The following TMEM97 variants were observed in gnomAD, a reference collection of about 807,000 sequenced individuals.
TMEM97 encodes sigma intracellular receptor 2.
In TMEM97, 13 loss-of-function variants were observed where a neutral mutation model predicts 18.3. The ratio of observed to expected loss-of-function variants is 0.71; its 90% CI spans 0.46 to 1.13. TMEM97 has a LOEUF of 1.13. TMEM97 is among the 50% of genes most tolerant of loss of function. The pLI, the probability that TMEM97 is intolerant of heterozygous loss-of-function variation, is 0.00. For synonymous variants in TMEM97, 76 were observed against 85.3 expected, an observed-to-expected ratio of 0.89 and a Z score of 0.60; for missense variants, 205 against 210.5, an observed-to-expected ratio of 0.97 and a Z score of 0.16.
chr17:28,325,429 A>G, intron 1 of TMEM97, 74 bp from the exon 2 acceptor site: 1 of 1,561,608 alleles, frequency 6.4e-7, no homozygotes, highest in Non-Finnish European at 8.7e-7. Flanking sequence ...CCTCCAGTGT[A>G]TTTTCAAATG....
In TMEM97 at chr17:28,326,614, T is replaced by A. The variant is rs1906351477; in HGVS notation, c.352T>A (p.Phe118Ile). The change falls in exon 3 of 3, where the codon TTT (phenylalanine) becomes ATT (isoleucine). Residue 118 changes from phenylalanine to isoleucine, a missense_variant. Coordinates refer to ENST00000226230, the MANE Select transcript of TMEM97 (RefSeq NM_014573.3). Reference sequence around the variant, plus strand: ...AACCTTAATTCCGATACTCTCCACATTTCTGTTTGAGGATTTCTCCAAAGC... The same window carrying A: ...AACCTTAATTCCGATACTCTCCACAATTCTGTTTGAGGATTTCTCCAAAGC... ...MTTLIPILST[F>I]LFEDFSKASG... The A allele has an allele frequency of 6.2e-7, 1 of 1,614,078 alleles. No individual in the cohort carries two copies. The highest frequency in any genetic ancestry group is 8.5e-7 in the Non-Finnish European group (1 of 1,180,032).
At position 28,327,461 on chromosome 17, in the gene TMEM97, T is replaced by C. The variant is rs1906407036; in HGVS notation, c.*668T>C. 1 of 152,454 alleles carries C rather than the reference T, an allele frequency of 6.6e-6. No individual in the cohort carries two copies. Among genetic ancestry groups the C allele is most frequent in the Non-Finnish European group, 1.5e-5 (1 of 68,302 alleles). The allele number at this position is 152,454 out of a possible 1,614,324, so 9.4% of individuals were successfully genotyped here. A position where few individuals can be genotyped will look rare whatever the true frequency, so the allele number is the denominator to read the frequency against. On this transcript the variant is annotated 3_prime_UTR_variant, in exon 3 of 3. Transcript: ENST00000226230. Reference sequence around the variant, plus strand: ...ATGGCCTGTTTGACATGTTCATGAGTCACCTGACCCACAGCATATATGCTT... The same window carrying C: ...ATGGCCTGTTTGACATGTTCATGAGCCACCTGACCCACAGCATATATGCTT...
intron 1 of TMEM97, among the ~76,000 whole-genome samples, chr17:28,324,539 C>T (rs577754561): frequency 5.9e-4 from 90 of 152,286 alleles, no homozygotes; most frequent in South Asian, 2.1e-3. Flanking sequence ...TCTTTGAAGG[C>T]CTGTGTGTCA....
In TMEM97 at chr17:28,326,638, G is replaced by C; in HGVS notation, c.376G>C (p.Ala126Pro). ...STFLFEDFSKASGFKGQRPET... is the reference protein window; with the variant it reads ...STFLFEDFSKPSGFKGQRPET... ...ATTTCTGTTTGAGGATTTCTCCAAA[G>C]CCAGTGGTTTCAAGGGACAAAGACC... Residue 126 changes from alanine (A) to proline (P), a missense_variant, in exon 3 of 3, where the codon GCC becomes CCC. Physicochemically the swap from Ala to Pro is conservative, Grantham distance 27 (BLOSUM62 -1). Coordinates refer to ENST00000226230, the MANE Select transcript of TMEM97 (RefSeq NM_014573.3). The C allele has an allele frequency of 6.2e-7, 1 of 1,614,176 alleles. No homozygotes were observed.
Position 28,325,584 on chromosome 17 carries a change from C to G in TMEM97, c.208C>G (p.Leu70Val). 1 of 1,614,216 alleles carries G rather than the reference C, an allele frequency of 6.2e-7. No homozygotes were observed. The change falls in exon 2 of 3, where the codon CTG becomes GTG. Residue 70 changes from leucine to valine, a missense_variant. Coordinates refer to ENST00000226230, the MANE Select transcript of TMEM97 (RefSeq NM_014573.3). ...QEPPAWFKSFLFCELVFQLPF... is the reference protein window; with the variant it reads ...QEPPAWFKSFVFCELVFQLPF... ...GCCCCCAGCCTGGTTTAAGTCCTTT[C>G]TGTTTTGCGAGCTTGTGTTTCAGCT... is the stretch of plus-strand genomic sequence containing the variant.
chr17:28,328,665 A>G lies in TMEM97; in HGVS notation c.*1872A>G, dbSNP rs1555575930. 6.2e-7 allele frequency: 1 copy of G among 1,602,902 alleles called. No individual in the cohort carries two copies. The highest frequency in any genetic ancestry group is 1.7e-5 in the Admixed American group (1 of 57,710). The stretch of plus-strand genomic sequence containing the variant: ...GAAATTTTCAGTTCATTTCTGAAAA[A>G]TAAATTGGTCAATAAATTCATTTTG... On this transcript the variant is annotated 3_prime_UTR_variant, in exon 3 of 3. Transcript: ENST00000226230.
Position 28,325,492 on chromosome 17 carries a change from T to C in TMEM97, c.127-11T>C. ...GTGGCTGTAATTCATCATGATCGTT[T>C]TCTTTTTCAGTTTAGAAACCTGCTG... On this transcript the variant is annotated splice_polypyrimidine_tract_variant and intron_variant, in intron 1 of 2. Coordinates refer to ENST00000226230, the MANE Select transcript of TMEM97 (RefSeq NM_014573.3). 6.2e-7 allele frequency: 1 copy of C among 1,612,054 alleles called. No homozygotes were observed. The highest frequency in any genetic ancestry group is 8.5e-7 in the Non-Finnish European group (1 of 1,179,422).
Position 28,326,672 on chromosome 17 carries a change from T to C in TMEM97, c.410T>C (p.Leu137Ser), listed in dbSNP as rs782655263. 3.1e-6 allele frequency: 5 copies of C among 1,614,190 alleles called. No individual in the cohort carries two copies. The East Asian group carries it at 1.1e-4, about 36-fold the overall frequency. Residue 137 changes from leucine (L) to serine (S), a missense_variant, in exon 3 of 3, where the codon TTG (leucine) becomes TCG (serine). Leu to Ser is a moderately radical substitution (Grantham distance 145, BLOSUM62 -2). Transcript: ENST00000226230. Reference sequence around the variant, plus strand: ...TTCAAGGGACAAAGACCTGAGACTTTGCATGAACGGTTAACCCTTGTGTCT... The same window carrying C: ...TTCAAGGGACAAAGACCTGAGACTTCGCATGAACGGTTAACCCTTGTGTCT... ...SGFKGQRPET[L>S]HERLTLVSVY...
In TMEM97 at chr17:28,328,651, T is replaced by C; in HGVS notation, c.*1858T>C. 1 of 1,593,358 alleles carries C rather than the reference T, an allele frequency of 6.3e-7. No homozygotes were observed. Among genetic ancestry groups the C allele is most frequent in the East Asian group, 2.2e-5 (1 of 44,808 alleles). Reference sequence around the variant, plus strand: ...CCTACTATAAAAGCGAAATTTTCAGTTCATTTCTGAAAAATAAATTGGTCA... The same window carrying C: ...CCTACTATAAAAGCGAAATTTTCAGCTCATTTCTGAAAAATAAATTGGTCA... On this transcript the variant is annotated 3_prime_UTR_variant, in exon 3 of 3. Coordinates refer to ENST00000226230, the MANE Select transcript of TMEM97 (RefSeq NM_014573.3).
chr17:28,323,518 C>T (rs1360929447), intron 1 of TMEM97, among the ~76,000 whole-genome samples: 3 of 151,720 alleles, frequency 2.0e-5, no homozygotes, highest in Non-Finnish European at 4.4e-5. Flanking sequence ...GCAACCTCAG[C>T]CTCCAGAGTT....
At chr17:28,320,393 A>G (rs781821529) in intron 1 of TMEM97, among the ~76,000 whole-genome samples, 52 of 152,206 alleles carry the variant, frequency 3.4e-4, no homozygotes, top group Non-Finnish European at 6.5e-4. Flanking sequence ...TACCACTCCC[A>G]TAAGTCACTC....
chr17:28,320,066 C>T (rs1195426133), intron 1 of TMEM97, among the ~76,000 whole-genome samples: 1 of 152,012 alleles, frequency 6.6e-6, no homozygotes, highest in Non-Finnish European at 1.5e-5. Context: ...GTTTTAGTTT[C>T]CCGGTTCGTT....
intron 1 of TMEM97, among the ~76,000 whole-genome samples, chr17:28,323,867 G>A (rs532414228): frequency 7.0e-4 from 106 of 152,226 alleles, no homozygotes; most frequent in Non-Finnish European, 1.3e-3. Flanking sequence ...GCTTGGTGGC[G>A]CATACCTGTA....
intron 1 of TMEM97, among the ~76,000 whole-genome samples, chr17:28,322,101 G>GA (rs1906170422): frequency 6.6e-6 from 1 of 152,096 alleles, no homozygotes; most frequent in Non-Finnish European, 1.5e-5. Flanking sequence ...GAAATAGAAG[G>GA]AATGTTTCCC....
intron 1 of TMEM97, among the ~76,000 whole-genome samples, chr17:28,321,621 T>C (rs1024377364): frequency 1.3e-5 from 2 of 152,148 alleles, no homozygotes; most frequent in Admixed American, 6.5e-5. Flanking sequence ...TTTGTAGAGA[T>C]GATGTCTTAC....
chr17:28,328,651 T>A lies in TMEM97; in HGVS notation c.*1858T>A, dbSNP rs1555575928. On this transcript the variant is annotated 3_prime_UTR_variant, in exon 3 of 3. Coordinates refer to ENST00000226230, the MANE Select transcript of TMEM97 (RefSeq NM_014573.3). ...CCTACTATAAAAGCGAAATTTTCAGTTCATTTCTGAAAAATAAATTGGTCA... is the reference window on the plus strand; with the variant it reads ...CCTACTATAAAAGCGAAATTTTCAGATCATTTCTGAAAAATAAATTGGTCA... 1.3e-6 allele frequency: 2 copies of A among 1,593,358 alleles called. No homozygotes were observed.
chr17:28,325,426 T>G (rs1597780197), intron 1 of TMEM97, 77 bp from the exon 2 acceptor site: 2 of 1,554,314 alleles, frequency 1.3e-6, no homozygotes, highest in Non-Finnish European at 1.7e-6. Flanking sequence ...GCTCCTCCAG[T>G]GTATTTTCAA....
At position 28,319,208 on chromosome 17, in the gene TMEM97, A is replaced by T; in HGVS notation, c.-32A>T. ...GCGCGCGGATTTGGCCCCTCTTCTCACATCAGCGGGTCCAGGCCCAACCGA... is the reference window on the plus strand; with the variant it reads ...GCGCGCGGATTTGGCCCCTCTTCTCTCATCAGCGGGTCCAGGCCCAACCGA... On this transcript the variant is annotated 5_prime_UTR_variant, in exon 1 of 3. Transcript: ENST00000226230. 1.3e-6 allele frequency: 2 copies of T among 1,566,104 alleles called. No homozygotes were observed. The highest frequency in any genetic ancestry group is 1.7e-6 in the Non-Finnish European group (2 of 1,156,132).
At position 28,327,498 on chromosome 17, in the gene TMEM97, C is replaced by T. The variant is rs1453569723; in HGVS notation, c.*705C>T. ...CAGCATATATGCTTATGACTAAACC[C>T]TCCACTCCTGATTCTCAAGAGTGTA... On this transcript the variant is annotated 3_prime_UTR_variant, in exon 3 of 3. Transcript: ENST00000226230. The T allele has an allele frequency of 6.6e-6, 1 of 152,320 alleles. No homozygotes were observed. The highest frequency in any genetic ancestry group is 1.5e-5 in the Non-Finnish European group (1 of 68,036). 9.4% of individuals were successfully genotyped at this position (152,320 alleles called of 1,614,324 possible). A position where few individuals can be genotyped will look rare whatever the true frequency, so the allele number is the denominator to read the frequency against.
Sources: gnomAD v4.1 joint callset for allele counts (sites outside exome capture counted in the v4.1 genomes callset) on GRCh38, gnomAD v4.1.1 for gene constraint, MANE v1.5 for transcripts, NCBI Gene and HGNC (gene_info 2026-07-23, HGNC 2026-07-21) for gene names.